KCNH5: variants seen among roughly 807,000 people sequenced by gnomAD.
The protein encoded by KCNH5 is potassium voltage-gated channel subfamily H member 5, also known as voltage-gated delayed rectifier potassium channel KCNH5.
A neutral mutation model predicts 96.1 loss-of-function variants in KCNH5; 46 were observed. The observed-to-expected ratio is 0.48, with a 90% CI of 0.38 to 0.61. KCNH5 has a LOEUF of 0.61. Among genes scored for constraint, KCNH5 ranks in the 20% least tolerant of loss-of-function variants. KCNH5 has a pLI of 0.00. For synonymous variants in KCNH5, 439 were observed against 449.8 expected (o/e 0.98, Z 0.30); for missense variants, 907 against 1,225.8 (o/e 0.74, Z 3.88).
chr14:62,732,945 TCTC>T (rs932331232), intron 10 of KCNH5, among the ~76,000 whole-genome samples: 2 of 151,978 alleles, frequency 1.3e-5, no homozygotes, highest in African/African-American at 4.8e-5. Context: ...CATCTCTCTC[TCTC>T]CTTCTTCTTG....
intron 1 of KCNH5, among the ~76,000 whole-genome samples, chr14:63,020,770 T>C (rs1439999693): frequency 6.6e-6 from 1 of 152,166 alleles, no homozygotes; most frequent in East Asian, 1.9e-4. Flanking sequence ...AGTTAAGATC[T>C]GGGCATTTTG....
At chr14:62,795,313 C>T (rs1214733567) in intron 9 of KCNH5, among the ~76,000 whole-genome samples, 1 of 152,056 alleles carries the variant, frequency 6.6e-6, no homozygotes, top group African/African-American at 2.4e-5. Context: ...AGAGTTGGCC[C>T]TCCATACCTG....
intron 10 of KCNH5, among the ~76,000 whole-genome samples, chr14:62,758,592 C>T (rs1284055984): frequency 6.6e-6 from 1 of 152,182 alleles, no homozygotes; most frequent in Non-Finnish European, 1.5e-5. Context: ...ATTAAGAACT[C>T]TGTAATATCA....
chr14:62,736,053 T>C (rs1885148953), intron 10 of KCNH5, among the ~76,000 whole-genome samples: 1 of 152,220 alleles, frequency 6.6e-6, no homozygotes, highest in Admixed American at 6.5e-5. Context: ...TTTAAGGCTC[T>C]AGATTTGTGA....
chr14:62,824,347 T>A (rs1887176663), intron 8 of KCNH5, among the ~76,000 whole-genome samples: 1 of 151,996 alleles, frequency 6.6e-6, no homozygotes, highest in Non-Finnish European at 1.5e-5. Context: ...GTGGTAAAAC[T>A]AAGCAGTTTA....
chr14:62,956,366 A>G (rs2140134962), intron 6 of KCNH5, among the ~76,000 whole-genome samples: 1 of 152,294 alleles, frequency 6.6e-6, no homozygotes, highest in East Asian at 1.9e-4. Flanking sequence ...GGCAGTGATT[A>G]CAAAAGGCAT....
At chr14:62,736,055 G>T (rs925617067) in intron 10 of KCNH5, among the ~76,000 whole-genome samples, 15 of 152,182 alleles carry the variant, frequency 9.9e-5, no homozygotes, top group Non-Finnish European at 1.9e-4. Context: ...TAAGGCTCTA[G>T]ATTTGTGAGT....
chr14:62,942,199 C>G (rs1193002126), intron 7 of KCNH5, among the ~76,000 whole-genome samples: 2 of 152,132 alleles, frequency 1.3e-5, no homozygotes, highest in South Asian at 4.1e-4. Flanking sequence ...ATGCCATGGA[C>G]AGGGGCATAA....
intron 6 of KCNH5, among the ~76,000 whole-genome samples, chr14:62,970,228 A>G (rs1338306354): frequency 6.6e-6 from 1 of 152,044 alleles, no homozygotes; most frequent in African/African-American, 2.4e-5. Context: ...CACAGATTTG[A>G]TAAATCTGAT....
intron 9 of KCNH5, among the ~76,000 whole-genome samples, chr14:62,793,088 A>G (rs1472283987): frequency 6.6e-6 from 1 of 151,794 alleles, no homozygotes; most frequent in Non-Finnish European, 1.5e-5. Context: ...TGAAGTGTCT[A>G]TAATAGTTAC....
intron 7 of KCNH5, among the ~76,000 whole-genome samples, chr14:62,853,456 C>CATATATATATATATATATATATATCAT (rs1887852570): frequency 1.1e-5 from 1 of 93,320 alleles, no homozygotes; most frequent in African/African-American, 4.9e-5. Flanking sequence ...AAAGAATAAT[C>CATATATATATATATATATATATATCAT]ATATATATAT....
At chr14:62,758,615 T>C (rs1885679389) in intron 10 of KCNH5, among the ~76,000 whole-genome samples, 1 of 152,166 alleles carries the variant, frequency 6.6e-6, no homozygotes, top group South Asian at 2.1e-4. Flanking sequence ...ATGCATTTAA[T>C]CAGAAAAAGT....
intron 7 of KCNH5, among the ~76,000 whole-genome samples, chr14:62,872,100 A>T (rs1888267935): frequency 6.6e-6 from 1 of 152,206 alleles, no homozygotes; most frequent in Non-Finnish European, 1.5e-5. Context: ...AAAGAAAAAA[A>T]ATCCTCTTTG....
At position 62,770,622 on chromosome 14, in the gene KCNH5, T is replaced by G. The variant is rs1885964395; in HGVS notation, c.2019+9106A>C. 2.0e-5 allele frequency among the ~76,000 whole-genome samples: 3 copies of G among 152,262 alleles called. No homozygotes were observed. In the South Asian group the frequency reaches 6.2e-4, roughly 32 times the overall value. On this transcript the variant is annotated intron_variant, in intron 10 of 10. Coordinates refer to ENST00000322893, the MANE Select transcript of KCNH5 (RefSeq NM_139318.5). ...ATTCGGATTGATCATGCCTGGGGAC[T>G]TTTTTCTAAGTTTAAATAGCAATCC...
chr14:62,819,507 G>A (rs1887071310), intron 8 of KCNH5, among the ~76,000 whole-genome samples: 1 of 152,092 alleles, frequency 6.6e-6, no homozygotes, highest in African/African-American at 2.4e-5. Context: ...AATTCTTTGG[G>A]GGATGATGAA....
At chr14:63,004,871 A>C (rs1021982918) in intron 3 of KCNH5, among the ~76,000 whole-genome samples, 7 of 152,202 alleles carry the variant, frequency 4.6e-5, no homozygotes, top group African/African-American at 9.6e-5. Flanking sequence ...TGGGGCTTTA[A>C]AGTCAGGCAA....
At position 63,044,933 on chromosome 14, in the gene KCNH5, T is replaced by C. The variant is rs540136891; in HGVS notation, c.73+181A>G. On this transcript the variant is annotated intron_variant, in intron 1 of 10. Transcript: ENST00000322893. ...GGTAGGAAGGGGATGCAACTAACTT[T>C]CCCCCACCATCTCATTGCCACCCCA... is the stretch of plus-strand genomic sequence containing the variant. 2.6e-5 allele frequency among the ~76,000 whole-genome samples: 4 copies of C among 151,878 alleles called. No homozygotes were observed. The East Asian group carries it at 5.8e-4, about 22-fold the overall frequency.
At chr14:62,864,001 G>A (rs1215209610) in intron 7 of KCNH5, among the ~76,000 whole-genome samples, 1 of 151,990 alleles carries the variant, frequency 6.6e-6, no homozygotes, top group Non-Finnish European at 1.5e-5. Context: ...TCATTCCATA[G>A]GTTACCATAA....
intron 7 of KCNH5, among the ~76,000 whole-genome samples, chr14:62,897,615 C>T (rs1218829312): frequency 2.6e-5 from 4 of 151,942 alleles, no homozygotes; most frequent in African/African-American, 9.7e-5. Context: ...CAGAACAAGG[C>T]CCAAGAATAA....
Sources: gnomAD v4.1 joint callset for allele counts (sites outside exome capture counted in the v4.1 genomes callset) on GRCh38, gnomAD v4.1.1 for gene constraint, MANE v1.5 for transcripts, NCBI Gene and HGNC (gene_info 2026-07-23, HGNC 2026-07-21) for gene names.